HEATR4: variants seen among roughly 807,000 people sequenced by gnomAD.
HEATR4 encodes the protein HEAT repeat containing 4.
HEATR4 carries 95 observed loss-of-function variants against 108.8 expected under a neutral mutation model. The observed-to-expected ratio is 0.87, with a 90% confidence interval of 0.74 to 1.04. The LOEUF (loss-of-function observed/expected upper bound fraction) is 1.04. Ranked by LOEUF, HEATR4 falls within the 50% of genes least tolerant of loss-of-function variation. The pLI is 0.00. For synonymous variants in HEATR4, 443 were observed against 459.4 expected (o/e 0.96, Z 0.46); for missense variants, 1,152 against 1,253.8 (o/e 0.92, Z 1.23).
At chr14:73,515,125 A>T (rs1887513372) in intron 5 of HEATR4, among the ~76,000 whole-genome samples, 2 of 152,002 alleles carry the variant, frequency 1.3e-5, no homozygotes, top group Non-Finnish European at 2.9e-5. Context: ...AATGTTTTTC[A>T]TGGTGTCAAA....
At chr14:73,595,573 G>C in the HEATR4 span, 2 of 1,582,226 alleles carry the variant, frequency 1.3e-6, no homozygotes, top group Non-Finnish European at 1.7e-6. Context: ...CTAAGGCCCA[G>C]GAAGATGCCT....
chr14:73,591,281 T>C, the HEATR4 span, among the ~76,000 whole-genome samples: 1 of 152,056 alleles, frequency 6.6e-6, no homozygotes, highest in Non-Finnish European at 1.5e-5. Flanking sequence ...GCGCAGCGGC[T>C]CACGCCTGTA....
At chr14:73,518,967 G>C in intron 5 of HEATR4, 56 bp downstream of exon 5, 1 of 1,549,818 alleles carries the variant, frequency 6.5e-7, no homozygotes, top group Non-Finnish European at 8.8e-7. Flanking sequence ...GTAATGATGG[G>C]AAGTAGCCAC....
At chr14:73,604,711 C>A in the HEATR4 span, among the ~76,000 whole-genome samples, 1 of 152,080 alleles carries the variant, frequency 6.6e-6, no homozygotes, top group Non-Finnish European at 1.5e-5. Flanking sequence ...TGGTCTCGAA[C>A]TCCTGACCTC....
the HEATR4 span, among the ~76,000 whole-genome samples, chr14:73,627,222 C>T: frequency 5.4e-4 from 82 of 151,938 alleles, no homozygotes; most frequent in Middle Eastern, 3.4e-3. Flanking sequence ...TCTCACTCAA[C>T]GCAACAATCA....
Position 73,537,935 on chromosome 14 carries a change from C to CTGTG in HEATR4, c.-151-7695_-151-7692dup, listed in dbSNP as rs375758117. 1.7e-4 allele frequency: 181 copies of CTGTG among 1,094,214 alleles called. 2 individuals carry two copies. In the African/African-American group the frequency reaches 1.9e-3, roughly 12 times the overall value. The allele number at this position is 1,094,214 out of a possible 1,614,324, so 67.8% of individuals were successfully genotyped here. On this transcript the variant is annotated intron_variant, in intron 1 of 17. Transcript: ENST00000553558. The stretch of plus-strand genomic sequence containing the variant: ...CCCATCCCTGTTCCTGCGCTTTCCA[C>CTGTG]TGTGTGTGTGTGTGTGTCCCCTTCG...
intron 17 of HEATR4, chr14:73,491,764 G>T: frequency 6.4e-7 from 1 of 1,566,306 alleles, no homozygotes; most frequent in Non-Finnish European, 8.6e-7. Context: ...ACCTGGATTC[G>T]ATGCTGCGCA....
At chr14:73,609,115 TC>T in the HEATR4 span, among the ~76,000 whole-genome samples, 1 of 152,196 alleles carries the variant, frequency 6.6e-6, no homozygotes, top group Admixed American at 6.5e-5. Context: ...ATGCTAACCC[TC>T]TGTGTACAGG....
At chr14:73,547,942 TTTTTG>T (rs1167272245) in intron 1 of HEATR4, among the ~76,000 whole-genome samples, 2 of 113,842 alleles carry the variant, frequency 1.8e-5, no homozygotes, top group South Asian at 2.8e-4. Flanking sequence ...GTTGTTTTTG[TTTTTG>T]TTTTAAGAGA....
chr14:73,574,472 A>T, the HEATR4 span: 1 of 310,792 alleles, frequency 3.2e-6, no homozygotes, highest in Non-Finnish European at 6.1e-6. Flanking sequence ...CATGTTGGCC[A>T]GACTGATCTC....
chr14:73,594,908 T>A, the HEATR4 span: 1 of 953,032 alleles, frequency 1.0e-6, no homozygotes, highest in East Asian at 2.4e-5. Context: ...TTCTGCCATG[T>A]TGGCCAGGCT....
chr14:73,629,173 G>A, the HEATR4 span, among the ~76,000 whole-genome samples: 3 of 152,066 alleles, frequency 2.0e-5, no homozygotes, highest in Non-Finnish European at 4.4e-5. Context: ...AAAAGATTAC[G>A]ACCCACTGAA....
the HEATR4 span, among the ~76,000 whole-genome samples, chr14:73,573,926 A>T: frequency 6.6e-6 from 1 of 151,976 alleles, no homozygotes; most frequent in Non-Finnish European, 1.5e-5. Flanking sequence ...GGGGTTTCAC[A>T]ATATTGGTCA....
chr14:73,521,376 C>T (rs1028136580), intron 3 of HEATR4, among the ~76,000 whole-genome samples: 5 of 152,102 alleles, frequency 3.3e-5, no homozygotes, highest in Admixed American at 1.3e-4. Context: ...GAAGGGATCC[C>T]ACCTCCTTCG....
the HEATR4 span, among the ~76,000 whole-genome samples, chr14:73,617,456 A>G: frequency 2.0e-5 from 3 of 152,088 alleles, no homozygotes; most frequent in East Asian, 5.8e-4. Context: ...TGTCTCAAAA[A>G]AAGTTTTTGT....
At chr14:73,597,291 A>T in the HEATR4 span, among the ~76,000 whole-genome samples, 2 of 151,122 alleles carry the variant, frequency 1.3e-5, no homozygotes, top group African/African-American at 4.9e-5. Context: ...TCGCCATGTT[A>T]GCCAGGATGG....
At chr14:73,521,085 G>T (rs1887950482) in intron 3 of HEATR4, 46 bp from the exon 4 acceptor site, 5 of 1,520,052 alleles carry the variant, frequency 3.3e-6, no homozygotes, top group African/African-American at 1.4e-5. Context: ...AGAGTAGGAG[G>T]TGGATCCCCC....
At chr14:73,515,362 A>G (rs1026704673) in intron 5 of HEATR4, among the ~76,000 whole-genome samples, 1 of 152,100 alleles carries the variant, frequency 6.6e-6, no homozygotes, top group Non-Finnish European at 1.5e-5. Context: ...GGAAGACATA[A>G]CATTTCTTTC....
chr14:73,593,244 A>G, the HEATR4 span, among the ~76,000 whole-genome samples: 1 of 151,886 alleles, frequency 6.6e-6, no homozygotes, highest in Non-Finnish European at 1.5e-5. Flanking sequence ...CCCTTTCTAC[A>G]TAGACATCTG....
Sources: gnomAD v4.1 joint callset for allele counts (sites outside exome capture counted in the v4.1 genomes callset) on GRCh38, gnomAD v4.1.1 for gene constraint, MANE v1.5 for transcripts, NCBI Gene and HGNC (gene_info 2026-07-23, HGNC 2026-07-21) for gene names.